CAP2: variants seen among roughly 807,000 people sequenced by gnomAD.
CAP2 encodes the protein adenylyl cyclase-associated protein 2.
A neutral mutation model predicts 57.7 loss-of-function variants in CAP2; 24 were observed. The observed-to-expected ratio is 0.42, with a 90% CI of 0.30 to 0.58. The LOEUF (loss-of-function observed/expected upper bound fraction) is 0.58. Ranked by LOEUF, CAP2 falls within the 20% of genes least tolerant of loss-of-function variation. The pLI is 0.22. For synonymous variants in CAP2, 194 were observed against 207.2 expected (o/e 0.94, Z 0.55); for missense variants, 501 against 590.3 (o/e 0.85, Z 1.57).
At chr6:17,526,956 C>CA (rs1221212193) in intron 7 of CAP2, among the ~76,000 whole-genome samples, 38,218 of 80,004 alleles carry the variant, frequency 0.48, 9,982 homozygotes, top group East Asian at 0.71. Context: ...GACTCTGTCT[C>CA]AAAAAAAAAA....
intron 2 of CAP2, among the ~76,000 whole-genome samples, chr6:17,422,498 C>T (rs9477424): frequency 0.096 from 14,513 of 151,732 alleles, 2,332 homozygotes; most frequent in African/African-American, 0.33. Flanking sequence ...TACAGGCGCC[C>T]GCCACCACGC....
intron 7 of CAP2, among the ~76,000 whole-genome samples, chr6:17,518,542 T>G (rs185372069): frequency 7.7e-4 from 118 of 152,354 alleles, no homozygotes; most frequent in African/African-American, 2.7e-3. Flanking sequence ...GTAAAAACTA[T>G]GTATTTATAA....
In CAP2 at chr6:17,557,667, G is replaced by A. The variant is rs745652435; in HGVS notation, c.*1225G>A. The A allele has an allele frequency of 6.6e-6, 1 of 152,206 alleles. No individual in the cohort carries two copies. The highest frequency in any genetic ancestry group is 2.4e-5 in the African/African-American group (1 of 41,528). The allele number at this position is 152,206 out of a possible 1,614,324, so 9.4% of individuals were successfully genotyped here. On this transcript the variant is annotated 3_prime_UTR_variant, in exon 13 of 13. Coordinates refer to ENST00000229922, the MANE Select transcript of CAP2 (RefSeq NM_006366.3). ...TAGTATTCAAATTATTAATGCTCAT[G>A]TACCAAGGTTTTGCTATAAAAGTTT...
chr6:17,547,866 T>C (rs927584140), intron 11 of CAP2, among the ~76,000 whole-genome samples: 2 of 149,360 alleles, frequency 1.3e-5, no homozygotes, highest in Non-Finnish European at 3.0e-5. Context: ...AGTTCTAACC[T>C]ATGCAGTAAG....
chr6:17,544,020 G>A (rs951150460), intron 11 of CAP2, among the ~76,000 whole-genome samples: 17 of 151,280 alleles, frequency 1.1e-4, no homozygotes, highest in African/African-American at 4.1e-4. Context: ...AGCTACTTGG[G>A]AGGCTGAGAC....
chr6:17,482,562 G>A (rs1020449376), intron 4 of CAP2, among the ~76,000 whole-genome samples: 1 of 142,400 alleles, frequency 7.0e-6, no homozygotes. Flanking sequence ...GCAAGGCCAC[G>A]CTCCCTCAGA....
chr6:17,498,492 C>T (rs1183675236), intron 4 of CAP2, among the ~76,000 whole-genome samples: 1 of 152,064 alleles, frequency 6.6e-6, no homozygotes, highest in Non-Finnish European at 1.5e-5. Flanking sequence ...CTTTATAGAG[C>T]AGTAGAACAA....
At chr6:17,399,808 G>T (rs867013607) in intron 1 of CAP2, among the ~76,000 whole-genome samples, 1 of 152,148 alleles carries the variant, frequency 6.6e-6, no homozygotes, top group Non-Finnish European at 1.5e-5. Flanking sequence ...ATGGGAAGGG[G>T]TATTCTGAGA....
At chr6:17,404,372 A>C (rs906466547) in intron 1 of CAP2, among the ~76,000 whole-genome samples, 2 of 152,090 alleles carry the variant, frequency 1.3e-5, no homozygotes, top group African/African-American at 4.8e-5. Context: ...TTGGGAGGCC[A>C]AGGCGGGCAG....
chr6:17,443,624 A>C (rs1351257901), intron 3 of CAP2, among the ~76,000 whole-genome samples: 1 of 151,470 alleles, frequency 6.6e-6, no homozygotes, highest in Non-Finnish European at 1.5e-5. Context: ...CCACTCATCT[A>C]TGAATTCCTC....
At position 17,517,085 on chromosome 6, in the gene CAP2, G is replaced by A. The variant is rs535443414; in HGVS notation, c.636+3131G>A. Among the ~76,000 whole-genome samples, 3 of 152,328 alleles carry A rather than the reference G, an allele frequency of 2.0e-5. No individual in the cohort carries two copies. The East Asian group carries it at 5.8e-4, about 29-fold the overall frequency. On this transcript the variant is annotated intron_variant, in intron 7 of 12. Transcript: ENST00000229922. ...ATTATTTTTTATCGATTTCCAATGA[G>A]ATAGTGTTTTGTTGTACAGCCATGT...
At chr6:17,420,998 A>G (rs766674868) in intron 1 of CAP2, among the ~76,000 whole-genome samples, 9 of 152,256 alleles carry the variant, frequency 5.9e-5, no homozygotes, top group Non-Finnish European at 1.0e-4. Context: ...GTCTCCATCA[A>G]CCAATGAATG....
chr6:17,543,741 C>T (rs938085684), intron 11 of CAP2, among the ~76,000 whole-genome samples: 1 of 151,982 alleles, frequency 6.6e-6, no homozygotes, highest in African/African-American at 2.4e-5. Flanking sequence ...AGACCCCTCT[C>T]TTACTTCTCA....
At chr6:17,405,121 G>T (rs777455419) in intron 1 of CAP2, among the ~76,000 whole-genome samples, 14 of 152,112 alleles carry the variant, frequency 9.2e-5, no homozygotes, top group African/African-American at 3.4e-4. Context: ...AGTGGGGCAC[G>T]CCTATAACCC....
At chr6:17,544,138 G>A (rs2328130) in intron 11 of CAP2, among the ~76,000 whole-genome samples, 136,726 of 143,946 alleles carry the variant, frequency 0.95, 65,203 homozygotes, top group East Asian at 1. Context: ...AAAAAAAAAA[G>A]AAAAGAAAAA....
At chr6:17,426,126 A>T (rs1759583605) in intron 2 of CAP2, among the ~76,000 whole-genome samples, 1 of 151,992 alleles carries the variant, frequency 6.6e-6, no homozygotes, top group Non-Finnish European at 1.5e-5. Context: ...AAAAAAACCA[A>T]ACACATTGAT....
chr6:17,456,195 A>G (rs1449638639), intron 3 of CAP2, among the ~76,000 whole-genome samples: 2 of 152,174 alleles, frequency 1.3e-5, no homozygotes, highest in Non-Finnish European at 2.9e-5. Context: ...CGGAGATGCG[A>G]CTCAACAATC....
At chr6:17,427,640 C>T (rs796964980) in intron 3 of CAP2, among the ~76,000 whole-genome samples, 42 of 151,864 alleles carry the variant, frequency 2.8e-4, no homozygotes, top group African/African-American at 9.2e-4. Flanking sequence ...TACTGTAGAT[C>T]CAACAATTTC....
chr6:17,446,910 ATGAGGAACCAGTGT>A (rs1015419165), intron 3 of CAP2, among the ~76,000 whole-genome samples: 1 of 152,220 alleles, frequency 6.6e-6, no homozygotes, highest in African/African-American at 2.4e-5. Flanking sequence ...TCCACGGGGA[ATGAGGAACCAGTGT>A]TTAGCAAGCA....
Sources: allele counts gnomAD v4.1 joint callset (sites outside exome capture counted in the v4.1 genomes callset), GRCh38; gene constraint gnomAD v4.1.1; transcripts MANE v1.5; gene names NCBI Gene and HGNC (gene_info 2026-07-23, HGNC 2026-07-21).